Variants in NRAP observed in about 807,000 individuals in gnomAD.
NRAP encodes nebulin-related-anchoring protein.
In NRAP, 189 loss-of-function variants were observed where a neutral mutation model predicts 225.9. The observed-to-expected ratio is 0.84, with a 90% confidence interval of 0.74 to 0.94. The LOEUF is 0.94. Among genes scored for constraint, NRAP ranks in the 40% least tolerant of loss-of-function variants. NRAP has a pLI of 0.00. For synonymous variants in NRAP, 769 were observed against 790.7 expected, an observed-to-expected ratio of 0.97 and a Z score of 0.46; for missense variants, 2,176 against 2,168.7, an observed-to-expected ratio of 1.00 and a Z score of -0.07.
chr10:113,647,613 CGGTGGT>C (rs1849628545), intron 9 of NRAP, among the ~76,000 whole-genome samples: 12 of 129,074 alleles, frequency 9.3e-5, no homozygotes, highest in South Asian at 2.8e-4. Context: ...CTGTCTCCCC[CGGTGGT>C]ACTTCCTCCC....
At chr10:113,628,442 C>G (rs771549689) in intron 20 of NRAP, among the ~76,000 whole-genome samples, 7 of 152,076 alleles carry the variant, frequency 4.6e-5, no homozygotes, top group Non-Finnish European at 8.8e-5. Context: ...CCCACCTAGG[C>G]CTCCTAAAGT....
intron 19 of NRAP, among the ~76,000 whole-genome samples, chr10:113,629,357 C>G (rs1250870893): frequency 6.6e-6 from 1 of 152,168 alleles, no homozygotes; most frequent in Non-Finnish European, 1.5e-5. Flanking sequence ...TGGCTCATCC[C>G]CATCACCAAC....
intron 39 of NRAP, among the ~76,000 whole-genome samples, chr10:113,591,138 A>G (rs1220509825): frequency 6.6e-6 from 1 of 152,242 alleles, no homozygotes; most frequent in African/African-American, 2.4e-5. Flanking sequence ...CGAGGATTCA[A>G]CCAGATAAGG....
Position 113,633,154 on chromosome 10 carries a change from A to G in NRAP, c.1562T>C (p.Leu521Ser). The G allele has an allele frequency of 1.2e-6, 2 of 1,608,888 alleles. No individual in the cohort carries two copies. The highest frequency in any genetic ancestry group is 1.7e-4 in the Middle Eastern group (1 of 6,044). Residue 521 changes from leucine (L) to serine (S), a missense_variant, in exon 16 of 42, where the codon TTG becomes TCG. Leu to Ser is a moderately radical substitution (Grantham distance 145). Coordinates refer to ENST00000359988, the MANE Select transcript of NRAP (RefSeq NM_198060.4). ...AACATCCTGGGGCAATGTGTAATTC[A>G]ACTTATTTTTCTCATAGTCAGCACG... Reference protein sequence around the residue: ...NYRADYEKNKLNYTLPQDVPQ... With the variant: ...NYRADYEKNKSNYTLPQDVPQ...
intron 9 of NRAP, among the ~76,000 whole-genome samples, chr10:113,648,467 C>CTCTCTATATATATA (rs749486311): frequency 3.4e-4 from 30 of 87,384 alleles, no homozygotes; most frequent in Admixed American, 6.0e-4. Context: ...CTCTCTCTCT[C>CTCTCTATATATATA]TATATATATA....
chr10:113,622,660 C>A (rs1463488591), intron 23 of NRAP, among the ~76,000 whole-genome samples: 1 of 152,156 alleles, frequency 6.6e-6, no homozygotes, highest in Non-Finnish European at 1.5e-5. Context: ...TGATTTTCAA[C>A]ATTATCATTG....
chr10:113,628,471 C>T (rs890074706), intron 20 of NRAP, among the ~76,000 whole-genome samples: 4 of 152,086 alleles, frequency 2.6e-5, no homozygotes, highest in African/African-American at 9.7e-5. Context: ...TACAGGCCAA[C>T]CTCTTCATTT....
In NRAP at chr10:113,643,428, C is replaced by T. The variant is rs578249547; in HGVS notation, c.1111-390G>A. Among the ~76,000 whole-genome samples the T allele has an allele frequency of 1.5e-4, 23 of 152,310 alleles. No homozygotes were observed. The South Asian group carries it at 4.8e-3, about 32-fold the overall frequency. On this transcript the variant is annotated intron_variant, in intron 11 of 41. Coordinates refer to ENST00000359988, the MANE Select transcript of NRAP (RefSeq NM_198060.4). ...GTCTGGTCGTATTCTGTTTCTTGAT[C>T]TGATTGCTAGTCACACAGGTGTGTC...
At chr10:113,611,125 G>A (rs1360470957) in intron 30 of NRAP, among the ~76,000 whole-genome samples, 3 of 152,078 alleles carry the variant, frequency 2.0e-5, no homozygotes, top group Non-Finnish European at 2.9e-5. Flanking sequence ...CCAGTGAGGC[G>A]CCCCCTGGGC....
rs564828964 is a variant in NRAP at position 113,591,486 on chromosome 10, C to A, written c.4645-597G>T. On this transcript the variant is annotated intron_variant, in intron 39 of 41. Transcript: ENST00000359988. ...TTTTCAATGAGATGAGTCCAGTGAT[C>A]ACATGCTTGGATGTTACAACGTCTA... 2.6e-5 allele frequency among the ~76,000 whole-genome samples: 4 copies of A among 152,340 alleles called. No homozygotes were observed. The South Asian group carries it at 6.2e-4, about 24-fold the overall frequency.
rs777746643 is a variant in NRAP at position 113,615,762 on chromosome 10, C to G, written c.3028G>C (p.Asp1010His). The G allele has an allele frequency of 6.2e-7, 1 of 1,612,370 alleles. No individual in the cohort carries two copies. The highest frequency in any genetic ancestry group is 1.7e-5 in the Admixed American group (1 of 60,018). The change falls in exon 27 of 42, where the codon GAC becomes CAC. Residue 1010 changes from aspartate (D) to histidine (H), a missense_variant. Physicochemically the swap from Asp to His is moderately conservative, Grantham distance 81. This residue lies in a region of NRAP where 1,708 missense variants were observed against 1,695.5 expected (regional missense o/e 1.01). Transcript: ENST00000359988. Reference sequence around the variant, plus strand: ...TTGGCCAGCAGGACTTCAGGGAGGTCAGCAGTCGGTGTGTAATGATGCTTT... The same window carrying G: ...TTGGCCAGCAGGACTTCAGGGAGGTGAGCAGTCGGTGTGTAATGATGCTTT... ...NIKHHYTPTADLPEVLLAKLN... is the reference protein window; with the variant it reads ...NIKHHYTPTAHLPEVLLAKLN...
chr10:113,612,330 G>T lies in NRAP; in HGVS notation c.3402C>A (p.Ser1134Arg). 6.2e-7 allele frequency: 1 copy of T among 1,614,130 alleles called. No homozygotes were observed. The highest frequency in any genetic ancestry group is 1.1e-5 in the South Asian group (1 of 91,080). Residue 1134 changes from serine (S) to arginine (R), a missense_variant, in exon 30 of 42, where the codon AGC becomes AGA. Coordinates refer to ENST00000359988, the MANE Select transcript of NRAP (RefSeq NM_198060.4). ...GCAGTGGATGTTTGTAGTCCTGATT[G>T]CTGGCCAGGGTCTGAGCCTTCTTGG... ...VHAKKAQTLA[S>R]NQDYKHPLPQ...
intron 32 of NRAP, among the ~76,000 whole-genome samples, chr10:113,606,723 C>A (rs1334737534): frequency 6.6e-6 from 1 of 152,182 alleles, no homozygotes; most frequent in Non-Finnish European, 1.5e-5. Flanking sequence ...CACACCAATG[C>A]TGCCCTGGAT....
In NRAP at chr10:113,605,884, C is replaced by A. The variant is rs766994124; in HGVS notation, c.3808-15G>T. 7.0e-6 allele frequency: 11 copies of A among 1,573,714 alleles called. No homozygotes were observed. Among genetic ancestry groups the A allele is most frequent in the Non-Finnish European group, 9.6e-6 (11 of 1,145,862 alleles). ...TTGTATCTTGCCTAAAGTGGGAACA[C>A]ATGTAAATCTTTTTTAAAAAATTAC... On this transcript the variant is annotated splice_polypyrimidine_tract_variant and intron_variant, in intron 33 of 41. Transcript: ENST00000359988.
intron 3 of NRAP, among the ~76,000 whole-genome samples, chr10:113,660,249 C>T (rs1256093342): frequency 2.0e-5 from 3 of 152,002 alleles, no homozygotes; most frequent in Non-Finnish European, 4.4e-5. Flanking sequence ...TACATGCACA[C>T]AATACACATG....
Position 113,631,618 on chromosome 10 carries a change from G to A in NRAP, c.1741-8C>T, listed in dbSNP as rs1343918904. ...TTCTTCTTTATATTTAATCTTGAGA[G>A]AAAGAAGAAGGTCTACTGTGAGTGA... On this transcript the variant is annotated splice_polypyrimidine_tract_variant and splice_region_variant and intron_variant, in intron 17 of 41. Coordinates refer to ENST00000359988, the MANE Select transcript of NRAP (RefSeq NM_198060.4). The A allele has an allele frequency of 1.3e-6, 2 of 1,559,096 alleles. No homozygotes were observed. Among genetic ancestry groups the A allele is most frequent in the Admixed American group, 1.7e-5 (1 of 59,660 alleles).
intron 4 of NRAP, 71 bp downstream of exon 4, chr10:113,657,399 T>C (rs1850373793): frequency 4.9e-6 from 4 of 821,634 alleles, no homozygotes; most frequent in Non-Finnish European, 4.2e-6. Context: ...GAAGTAATAA[T>C]AATAATACAC....
chr10:113,610,955 CG>C (rs1330398970), intron 30 of NRAP, among the ~76,000 whole-genome samples: 8 of 152,152 alleles, frequency 5.3e-5, no homozygotes, highest in Admixed American at 1.3e-4. Flanking sequence ...TCAGCAGCAG[CG>C]GGTGGCATTA....
chr10:113,604,573 T>C, intron 35 of NRAP, 36 bp downstream of exon 35: 4 of 1,584,056 alleles, frequency 2.5e-6, no homozygotes, highest in Non-Finnish European at 3.5e-6. Flanking sequence ...GGAGAAAGGC[T>C]GGGGGCTGGT....
Sources: allele counts gnomAD v4.1 joint callset (sites outside exome capture counted in the v4.1 genomes callset), GRCh38; gene constraint gnomAD v4.1.1; regional missense constraint gnomAD v4.1.1; transcripts MANE v1.5; gene names NCBI Gene and HGNC (gene_info 2026-07-23, HGNC 2026-07-21).